NOS1AP: variants seen among roughly 807,000 people sequenced by gnomAD.
NOS1AP encodes the protein carboxyl-terminal PDZ ligand of neuronal nitric oxide synthase protein.
Under a neutral mutation model 56.2 loss-of-function variants are expected in NOS1AP, and 21 were observed. The ratio of observed to expected loss-of-function variants is 0.37; its 90% CI spans 0.26 to 0.54. The LOEUF is 0.54. Ranked by LOEUF, NOS1AP falls within the 20% of genes least tolerant of loss-of-function variation. NOS1AP has a pLI of 0.84. For missense variants in NOS1AP, 522 were observed against 657.8 expected (o/e 0.79, Z 2.26); for synonymous variants, 270 against 274.6 (o/e 0.98, Z 0.17).
chr1:162,264,835 A>G (rs138661339), intron 2 of NOS1AP, among the ~76,000 whole-genome samples: 2,114 of 139,938 alleles, frequency 0.015, 38 homozygotes, highest in South Asian at 0.033. Flanking sequence ...TTTTTTCAAG[A>G]CAGGGTTGCA....
intron 2 of NOS1AP, among the ~76,000 whole-genome samples, chr1:162,159,830 G>A (rs1650126176): frequency 6.6e-6 from 1 of 152,236 alleles, no homozygotes; most frequent in Non-Finnish European, 1.5e-5. Context: ...CTGCACTCAA[G>A]TCAGACTTGA....
chr1:162,367,136 A>G lies in NOS1AP; in HGVS notation c.1190A>G (p.Glu397Gly). The G allele has an allele frequency of 6.2e-7, 1 of 1,613,842 alleles. No homozygotes were observed. The highest frequency in any genetic ancestry group is 1.3e-5 in the African/African-American group (1 of 75,064). The change falls in exon 10 of 10, where the codon GAG (glutamate) becomes GGG (glycine). Residue 397 changes from glutamate (E) to glycine (G), a missense_variant. Transcript: ENST00000361897. This position sits in a 1 kb window ranked among gnomAD's most constrained non-coding sequence, Gnocchi z 6.5. ...TGTGACCCCACGACCCCTAAGCCAGAGGACCTGCATTCGCCGCCGCTGGGC... is the reference window on the plus strand; with the variant it reads ...TGTGACCCCACGACCCCTAAGCCAGGGGACCTGCATTCGCCGCCGCTGGGC... The part of the protein sequence containing the change: ...VLCDPTTPKP[E>G]DLHSPPLGAG...
In NOS1AP at chr1:162,179,798, C is replaced by A. The variant is rs186727792; in HGVS notation, c.177+25322C>A. Among the ~76,000 whole-genome samples, 36 of 152,270 alleles carry A rather than the reference C, an allele frequency of 2.4e-4. 1 individual carries two copies. Among genetic ancestry groups the A allele is most frequent in the Non-Finnish European group, 4.7e-4 (32 of 68,014 alleles). On this transcript the variant is annotated intron_variant, in intron 2 of 9. Transcript: ENST00000361897. ...TAAGATCATGAAGGCGCTGACTTGC[C>A]TGCTAAAAAGCTTTGACCTCATCCT...
At chr1:162,122,467 A>T (rs941317979) in intron 1 of NOS1AP, among the ~76,000 whole-genome samples, 11 of 152,064 alleles carry the variant, frequency 7.2e-5, no homozygotes, top group East Asian at 1.9e-4. Flanking sequence ...TGAAAAAATT[A>T]AAAAATATAT....
intron 6 of NOS1AP, among the ~76,000 whole-genome samples, chr1:162,354,827 G>A (rs1433492171): frequency 2.0e-5 from 3 of 152,172 alleles, no homozygotes; most frequent in Non-Finnish European, 4.4e-5. Context: ...CTGGACCCCC[G>A]GGCCAGGGCC....
chr1:162,228,640 C>T lies in NOS1AP; in HGVS notation c.178-58704C>T, dbSNP rs957823468. ...AGGGCAAGCTGGCAATAGACCAGCG[C>T]CCAGCAAGGCTGACACTTACCTTCT... On this transcript the variant is annotated intron_variant, in intron 2 of 9. Coordinates refer to ENST00000361897, the MANE Select transcript of NOS1AP (RefSeq NM_014697.3). Among the ~76,000 whole-genome samples the T allele has an allele frequency of 7.2e-5, 11 of 152,324 alleles. No homozygotes were observed. In the East Asian group the frequency reaches 1.7e-3, roughly 24 times the overall value.
intron 1 of NOS1AP, among the ~76,000 whole-genome samples, chr1:162,103,435 A>G (rs376262120): frequency 6.6e-6 from 1 of 152,168 alleles, no homozygotes; most frequent in African/African-American, 2.4e-5. Flanking sequence ...AGTTCTGTAG[A>G]TATCTATCAC....
intron 4 of NOS1AP, among the ~76,000 whole-genome samples, chr1:162,308,521 G>A (rs1655920066): frequency 6.6e-6 from 1 of 152,160 alleles, no homozygotes; most frequent in African/African-American, 2.4e-5. Flanking sequence ...GGCTGGTGCT[G>A]AGGTCACTGA....
intron 8 of NOS1AP, chr1:162,365,142 T>A (rs1001481221): frequency 7.1e-7 from 1 of 1,408,064 alleles, no homozygotes; most frequent in African/African-American, 1.4e-5. Context: ...TTCCTGCCTC[T>A]TGCCCTTGGT....
Position 162,367,831 on chromosome 1 carries a change from ACC to A in NOS1AP, c.*368_*369del. 4.4e-6 allele frequency: 1 copy of A among 229,872 alleles called. No homozygotes were observed. Among genetic ancestry groups the A allele is most frequent in the Non-Finnish European group, 8.6e-6 (1 of 116,514 alleles). 14.2% of individuals were successfully genotyped at this position (229,872 alleles called of 1,614,324 possible). Reference sequence around the variant, plus strand: ...CACGCTTTGTCCGTGATGCCCCCCTACCCCCTCACTCTCCCCGTCTCCATGGT... The same window carrying A: ...CACGCTTTGTCCGTGATGCCCCCCTACCCTCACTCTCCCCGTCTCCATGGT... On this transcript the variant is annotated 3_prime_UTR_variant, in exon 10 of 10. Coordinates refer to ENST00000361897, the MANE Select transcript of NOS1AP (RefSeq NM_014697.3). The surrounding 1 kb of genome is among the most constrained non-coding windows in gnomAD (Gnocchi z 6.5).
At chr1:162,124,357 C>T (rs1245345562) in intron 1 of NOS1AP, among the ~76,000 whole-genome samples, 2 of 152,082 alleles carry the variant, frequency 1.3e-5, no homozygotes, top group Non-Finnish European at 2.9e-5. Context: ...TTAGCTCTGA[C>T]TTGTAATGAG....
intron 2 of NOS1AP, among the ~76,000 whole-genome samples, chr1:162,240,120 T>C (rs144812635): frequency 6.6e-6 from 1 of 152,324 alleles, no homozygotes; most frequent in African/African-American, 2.4e-5. Context: ...TCAGATGAGA[T>C]TACCTTATTG....
chr1:162,343,521 A>T (rs1214320111), intron 5 of NOS1AP, among the ~76,000 whole-genome samples: 1 of 152,246 alleles, frequency 6.6e-6, no homozygotes, highest in African/African-American at 2.4e-5. Context: ...TGAACATTTT[A>T]TCATGGCTGG....
intron 1 of NOS1AP, among the ~76,000 whole-genome samples, chr1:162,139,675 C>T (rs918486699): frequency 5.3e-5 from 8 of 152,248 alleles, no homozygotes; most frequent in South Asian, 2.1e-4. Flanking sequence ...TTGAATCTTT[C>T]GCCACAAAAC....
At chr1:162,098,760 G>A (rs1237229183) in intron 1 of NOS1AP, among the ~76,000 whole-genome samples, 1 of 152,084 alleles carries the variant, frequency 6.6e-6, no homozygotes, top group Admixed American at 6.5e-5. Flanking sequence ...GCGAATATGT[G>A]GTGTTTGGTT....
chr1:162,328,809 G>A (rs1656674609), intron 4 of NOS1AP, among the ~76,000 whole-genome samples: 1 of 152,200 alleles, frequency 6.6e-6, no homozygotes, highest in Admixed American at 6.5e-5. Flanking sequence ...TCTTAAAAAG[G>A]GATCAGATAC....
intron 1 of NOS1AP, among the ~76,000 whole-genome samples, chr1:162,081,774 A>ATATATATATATATT: frequency 1.8e-4 from 8 of 44,048 alleles, no homozygotes; most frequent in East Asian, 1.2e-3. Flanking sequence ...ATATATATAT[A>ATATATATATATATT]TTTTTTTTTT....
intron 2 of NOS1AP, among the ~76,000 whole-genome samples, chr1:162,239,397 G>A (rs1653411730): frequency 1.3e-5 from 2 of 152,176 alleles, no homozygotes; most frequent in South Asian, 4.1e-4. Flanking sequence ...CAAGGTTTTG[G>A]AGCCCTATTT....
intron 2 of NOS1AP, among the ~76,000 whole-genome samples, chr1:162,243,709 G>A (rs919026185): frequency 1.3e-5 from 2 of 152,114 alleles, no homozygotes; most frequent in African/African-American, 4.8e-5. Flanking sequence ...CTTAATTAAT[G>A]TTTCTAATTT....
Sources: gnomAD v4.1 joint callset for allele counts (sites outside exome capture counted in the v4.1 genomes callset) on GRCh38, gnomAD v4.1.1 for gene constraint, Gnocchi (gnomAD v3.1) non-coding constraint, MANE v1.5 for transcripts, NCBI Gene and HGNC (gene_info 2026-07-23, HGNC 2026-07-21) for gene names.